The following SSTR4 variants were observed in gnomAD, a reference collection of about 807,000 sequenced individuals.
SSTR4 encodes somatostatin receptor 4.
For missense variants in SSTR4, 649 were observed against 540.6 expected (o/e 1.20, Z -1.99); for synonymous variants, 272 against 246.3 (o/e 1.10, Z -0.98).
chr20:23,039,076 A>T lies in SSTR4; in HGVS notation c.*2426A>T, dbSNP rs1486793864. 1 of 152,186 alleles carries T rather than the reference A, an allele frequency of 6.6e-6. No homozygotes were observed. Among genetic ancestry groups the T allele is most frequent in the African/African-American group, 2.4e-5 (1 of 41,438 alleles). The allele number at this position is 152,186 out of a possible 1,614,324, so 9.4% of individuals were successfully genotyped here. On this transcript the variant is annotated 3_prime_UTR_variant, in exon 1 of 1. Coordinates refer to ENST00000255008, the MANE Select transcript of SSTR4 (RefSeq NM_001052.4). ...TGTAGTTTGTGTACAGAAGACTGCA[A>T]TGAATTGAAGTCATGAGACATACAG... is the stretch of plus-strand genomic sequence containing the variant.
In SSTR4 at chr20:23,036,760, T is replaced by G; in HGVS notation, c.*110T>G. The G allele has an allele frequency of 8.0e-7, 1 of 1,256,610 alleles. No homozygotes were observed. 77.8% of individuals were successfully genotyped at this position (1,256,610 alleles called of 1,614,324 possible). A position where few individuals can be genotyped will look rare whatever the true frequency, so the allele number is the denominator to read the frequency against. On this transcript the variant is annotated 3_prime_UTR_variant, in exon 1 of 1. Coordinates refer to ENST00000255008, the MANE Select transcript of SSTR4 (RefSeq NM_001052.4). ...ATGCTCACCTAAGCTCCACCACCTG[T>G]TCCTTCCAGCAGCCCATGTACCTGC... is the stretch of plus-strand genomic sequence containing the variant.
In SSTR4 at chr20:23,036,093, C is replaced by T. The variant is rs1273373997; in HGVS notation, c.610C>T (p.His204Tyr). Residue 204 changes from histidine (H) to tyrosine (Y), a missense_variant, in exon 1 of 1, where the codon CAC (histidine) becomes TAC (tyrosine). Transcript: ENST00000255008. ...QAVACNLQWP[H>Y]PAWSAVFVVY... The stretch of plus-strand genomic sequence containing the variant: ...CGTGGCCTGCAACCTGCAGTGGCCA[C>T]ACCCGGCCTGGTCGGCAGTCTTCGT... The T allele has an allele frequency of 1.9e-6, 3 of 1,600,214 alleles. No homozygotes were observed. Among genetic ancestry groups the T allele is most frequent in the Non-Finnish European group, 1.7e-6 (2 of 1,179,002 alleles).
chr20:23,036,868 C>G lies in SSTR4; in HGVS notation c.*218C>G. ...AGGATGCTTCCATATGGGTAGGACT[C>G]CTCTGGAAACTGGGCTAGGATATTA... is the stretch of plus-strand genomic sequence containing the variant. On this transcript the variant is annotated 3_prime_UTR_variant, in exon 1 of 1. Transcript: ENST00000255008. 1 of 511,104 alleles carries G rather than the reference C, an allele frequency of 2.0e-6. No individual in the cohort carries two copies. Among genetic ancestry groups the G allele is most frequent in the Middle Eastern group, 5.1e-4 (1 of 1,944 alleles). 31.7% of individuals were successfully genotyped at this position (511,104 alleles called of 1,614,324 possible). A position where few individuals can be genotyped will look rare whatever the true frequency, so the allele number is the denominator to read the frequency against.
chr20:23,037,886 G>A lies in SSTR4; in HGVS notation c.*1236G>A, dbSNP rs1165593924. ...TCTGGATGATCATTCTGGTGGTATG[G>A]GGAAGATGGTGTGGGGAGGGGGAGA... is the stretch of plus-strand genomic sequence containing the variant. On this transcript the variant is annotated 3_prime_UTR_variant, in exon 1 of 1. Coordinates refer to ENST00000255008, the MANE Select transcript of SSTR4 (RefSeq NM_001052.4). Among the ~76,000 whole-genome samples, 6 of 152,154 alleles carry A rather than the reference G, an allele frequency of 3.9e-5. No homozygotes were observed. The East Asian group carries it at 1.2e-3, about 29-fold the overall frequency.
At position 23,035,557 on chromosome 20, in the gene SSTR4, C is replaced by A; in HGVS notation, c.74C>A (p.Ala25Asp). 3.8e-6 allele frequency: 6 copies of A among 1,591,940 alleles called. No homozygotes were observed. The highest frequency in any genetic ancestry group is 4.3e-6 in the Non-Finnish European group (5 of 1,171,804). Reference sequence around the variant, plus strand: ...ACGGCCTGGCCCTCTGCAGCCAATGCCAGTAGCGCTCCGGCGGAGGCGGAG... The same window carrying A: ...ACGGCCTGGCCCTCTGCAGCCAATGACAGTAGCGCTCCGGCGGAGGCGGAG... ...LGTAWPSAAN[A>D]SSAPAEAEEA... The change falls in exon 1 of 1, where the codon GCC (alanine) becomes GAC (aspartate). Residue 25 changes from alanine (A) to aspartate (D), a missense_variant. Physicochemically the swap from Ala to Asp is moderately radical, Grantham distance 126. Transcript: ENST00000255008.
Position 23,036,638 on chromosome 20 carries a change from C to T in SSTR4, c.1155C>T (p.Thr385=), listed in dbSNP as rs375583537. The stretch of plus-strand genomic sequence containing the variant: ...GCAAGCGCATCCCCCTCACCAGGAC[C>T]ACCACCTTCTGAGGAGCCCTTCCCC... The part of the protein sequence containing the change: ...PGRKRIPLTR[T]TTF Residue 385 remains threonine, a synonymous_variant, in exon 1 of 1, where the codon ACC becomes ACT. Coordinates refer to ENST00000255008, the MANE Select transcript of SSTR4 (RefSeq NM_001052.4). 14 of 1,546,510 alleles carry T rather than the reference C, an allele frequency of 9.1e-6. No homozygotes were observed. In the African/African-American group the frequency reaches 1.6e-4, roughly 18 times the overall value.
Position 23,036,607 on chromosome 20 carries a change from C to G in SSTR4, c.1124C>G (p.Pro375Arg). Reference sequence around the variant, plus strand: ...CAGCAGGAAGCCCTGCAACCAGAACCCGGCCGCAAGCGCATCCCCCTCACC... The same window carrying G: ...CAGCAGGAAGCCCTGCAACCAGAACGCGGCCGCAAGCGCATCCCCCTCACC... ...PCQQEALQPEPGRKRIPLTRT... is the reference protein window; with the variant it reads ...PCQQEALQPERGRKRIPLTRT... Residue 375 changes from proline (P) to arginine (R), a missense_variant, in exon 1 of 1, where the codon CCC becomes CGC. Physicochemically the swap from Pro to Arg is moderately radical, Grantham distance 103 (BLOSUM62 -2). Coordinates refer to ENST00000255008, the MANE Select transcript of SSTR4 (RefSeq NM_001052.4). The G allele has an allele frequency of 1.3e-6, 2 of 1,577,368 alleles. No individual in the cohort carries two copies.
At position 23,036,195 on chromosome 20, in the gene SSTR4, A is replaced by G. The variant is rs1040809171; in HGVS notation, c.712A>G (p.Met238Val). ...GLCYLLIVGK[M>V]RAVALRAGWQ... Reference sequence around the variant, plus strand: ...GTGCTACCTGCTCATCGTGGGCAAGATGCGCGCCGTGGCCCTGCGCGCTGG... The same window carrying G: ...GTGCTACCTGCTCATCGTGGGCAAGGTGCGCGCCGTGGCCCTGCGCGCTGG... The change falls in exon 1 of 1, where the codon ATG (methionine) becomes GTG (valine). Residue 238 changes from methionine to valine, a missense_variant. Transcript: ENST00000255008. 1 of 1,612,450 alleles carries G rather than the reference A, an allele frequency of 6.2e-7. No homozygotes were observed. The highest frequency in any genetic ancestry group is 8.5e-7 in the Non-Finnish European group (1 of 1,179,794).
Position 23,035,645 on chromosome 20 carries a change from C to T in SSTR4, c.162C>T (p.Tyr54=). The change falls in exon 1 of 1, where the codon TAC becomes TAT. Residue 54 remains tyrosine (Y), a synonymous_variant. Transcript: ENST00000255008. Reference sequence around the variant, plus strand: ...GCATGGTCGCTATCCAGTGCATCTACGCGCTGGTGTGCCTGGTGGGGCTGG... The same window carrying T: ...GCATGGTCGCTATCCAGTGCATCTATGCGCTGGTGTGCCTGGTGGGGCTGG... ...AAGMVAIQCI[Y]ALVCLVGLVG... 1 of 1,540,012 alleles carries T rather than the reference C, an allele frequency of 6.5e-7. No individual in the cohort carries two copies. Among genetic ancestry groups the T allele is most frequent in the Non-Finnish European group, 8.7e-7 (1 of 1,145,468 alleles).
chr20:23,035,315 C>A lies in SSTR4; in HGVS notation c.-169C>A. The A allele has an allele frequency of 2.3e-6, 1 of 436,898 alleles. No individual in the cohort carries two copies. Among genetic ancestry groups the A allele is most frequent in the Non-Finnish European group, 3.5e-6 (1 of 284,262 alleles). 27.1% of individuals were successfully genotyped at this position (436,898 alleles called of 1,614,324 possible). On this transcript the variant is annotated 5_prime_UTR_variant, in exon 1 of 1. Transcript: ENST00000255008. ...CCAGTCGGGCGCCCGCGCGGTGGGGCGCGCGGCGCGGGGATTGGCGGGCGC... is the reference window on the plus strand; with the variant it reads ...CCAGTCGGGCGCCCGCGCGGTGGGGAGCGCGGCGCGGGGATTGGCGGGCGC...
In SSTR4 at chr20:23,037,104, G is replaced by A. The variant is rs1984351780; in HGVS notation, c.*454G>A. On this transcript the variant is annotated 3_prime_UTR_variant, in exon 1 of 1. Transcript: ENST00000255008. ...GAGAGGAGGAAGGAAGATGCCCCCA[G>A]GCACCTGCCCTTTATGTCTCTTCCT... Among the ~76,000 whole-genome samples, 3 of 152,176 alleles carry A rather than the reference G, an allele frequency of 2.0e-5. No individual in the cohort carries two copies.
rs199944012 is a variant in SSTR4, at chr20:23,036,356, C to G, written c.873C>G (p.Thr291=). Reference sequence around the variant, plus strand: ...TCTTCGTGACCAGCCTTGATGCCACCGTCAACCACGTGTCCCTTATCCTTA... The same window carrying G: ...TCTTCGTGACCAGCCTTGATGCCACGGTCAACCACGTGTCCCTTATCCTTA... ...LNLFVTSLDA[T]VNHVSLILSY... Residue 291 remains threonine, a synonymous_variant, in exon 1 of 1, where the codon ACC becomes ACG. Coordinates refer to ENST00000255008, the MANE Select transcript of SSTR4 (RefSeq NM_001052.4). 6.2e-7 allele frequency: 1 copy of G among 1,614,116 alleles called. No homozygotes were observed. The highest frequency in any genetic ancestry group is 2.2e-5 in the East Asian group (1 of 44,856).
chr20:23,035,883 G>A lies in SSTR4; in HGVS notation c.400G>A (p.Val134Ile), dbSNP rs750847560. ...CGACGGCCTCAACATGTTCACCAGC[G>A]TCTTCTGTCTCACCGTGCTCAGCGT... ...SVDGLNMFTS[V>I]FCLTVLSVDR... The change falls in exon 1 of 1, where the codon GTC becomes ATC. Residue 134 changes from valine to isoleucine, a missense_variant. Coordinates refer to ENST00000255008, the MANE Select transcript of SSTR4 (RefSeq NM_001052.4). 4.3e-6 allele frequency: 7 copies of A among 1,612,604 alleles called. No homozygotes were observed. The highest frequency in any genetic ancestry group is 1.1e-5 in the South Asian group (1 of 90,970).
rs1485940045 is a variant in SSTR4 at position 23,036,049 on chromosome 20, C to A, written c.566C>A (p.Pro189Gln). 2 of 1,573,888 alleles carry A rather than the reference C, an allele frequency of 1.3e-6. No homozygotes were observed. Among genetic ancestry groups the A allele is most frequent in the Non-Finnish European group, 1.7e-6 (2 of 1,166,910 alleles). ...LPIAIFADTR[P>Q]ARGGQAVACN... is the part of the protein sequence containing the mutation. The stretch of plus-strand genomic sequence containing the variant: ...ATCGCCATCTTCGCAGACACCAGAC[C>A]GGCTCGCGGCGGCCAGGCCGTGGCC... The change falls in exon 1 of 1, where the codon CCG (proline) becomes CAG (glutamine). Residue 189 changes from proline (P) to glutamine (Q), a missense_variant. By Grantham distance (76) the Pro-to-Gln change is moderately conservative (BLOSUM62 -1). Transcript: ENST00000255008.
In SSTR4 at chr20:23,036,638, C is replaced by G. The variant is rs375583537; in HGVS notation, c.1155C>G (p.Thr385=). Residue 385 remains threonine (T), a synonymous_variant, in exon 1 of 1, where the codon ACC becomes ACG. Transcript: ENST00000255008. ...PGRKRIPLTR[T]TTF is the part of the protein sequence containing the mutation. ...GCAAGCGCATCCCCCTCACCAGGAC[C>G]ACCACCTTCTGAGGAGCCCTTCCCC... is the stretch of plus-strand genomic sequence containing the variant. 6 of 1,546,626 alleles carry G rather than the reference C, an allele frequency of 3.9e-6. No individual in the cohort carries two copies. The highest frequency in any genetic ancestry group is 5.2e-6 in the Non-Finnish European group (6 of 1,148,022).
rs1355598355 is a variant in SSTR4 at position 23,036,942 on chromosome 20, TG to T, written c.*294del. The T allele has an allele frequency of 9.8e-6, 4 of 407,614 alleles. No individual in the cohort carries two copies. The highest frequency in any genetic ancestry group is 6.1e-5 in the African/African-American group (3 of 49,168). 25.2% of individuals were successfully genotyped at this position (407,614 alleles called of 1,614,324 possible). A position where few individuals can be genotyped will look rare whatever the true frequency, so the allele number is the denominator to read the frequency against. On this transcript the variant is annotated 3_prime_UTR_variant, in exon 1 of 1. Transcript: ENST00000255008. ...TCTTCAAGGGCTGGGAAGCAGGAGG[TG>T]GTGAGAAATGAATGGTCCCTGTGTG...
Position 23,036,431 on chromosome 20 carries a change from CA to C in SSTR4, c.950del (p.Asn317ThrfsTer154). ...CCATTCTCTATGGCTTCCTCTCCGA[CA>C]ACTTCCGCCGATTCTTCCAGCGGGT... ...NPILYGFLSDNFRRFFQRVLC... is the reference protein window; with the variant it reads ...NPILYGFLSDXFRRFFQRVLC... On this transcript the variant is annotated frameshift_variant, in exon 1 of 1. Coordinates refer to ENST00000255008, the MANE Select transcript of SSTR4 (RefSeq NM_001052.4). LOFTEE classifies it low-confidence loss of function (END_TRUNC). 1 of 1,613,992 alleles carries C rather than the reference CA, an allele frequency of 6.2e-7. No homozygotes were observed. The highest frequency in any genetic ancestry group is 8.5e-7 in the Non-Finnish European group (1 of 1,179,932).
Position 23,036,077 on chromosome 20 carries a change from C to A in SSTR4, c.594C>A (p.Cys198Ter), listed in dbSNP as rs1383423724. 1.9e-6 allele frequency: 3 copies of A among 1,594,068 alleles called. No individual in the cohort carries two copies. Among genetic ancestry groups the A allele is most frequent in the Non-Finnish European group, 2.6e-6 (3 of 1,176,384 alleles). The change falls in exon 1 of 1, where the codon TGC becomes TGA. Residue 198 changes from cysteine (C) to a stop codon, truncating the protein, a stop_gained. Transcript: ENST00000255008. LOFTEE classifies it low-confidence loss of function (END_TRUNC). ...CTCGCGGCGGCCAGGCCGTGGCCTG[C>A]AACCTGCAGTGGCCACACCCGGCCT... ...RPARGGQAVA[C>*]NLQWPHPAWS...
In SSTR4 at chr20:23,036,887, G is replaced by C. The variant is rs1600405234; in HGVS notation, c.*237G>C. 1 of 481,758 alleles carries C rather than the reference G, an allele frequency of 2.1e-6. No individual in the cohort carries two copies. The highest frequency in any genetic ancestry group is 3.6e-6 in the Non-Finnish European group (1 of 275,532). The allele number at this position is 481,758 out of a possible 1,614,324, so 29.8% of individuals were successfully genotyped here. A position where few individuals can be genotyped will look rare whatever the true frequency, so the allele number is the denominator to read the frequency against. On this transcript the variant is annotated 3_prime_UTR_variant, in exon 1 of 1. Coordinates refer to ENST00000255008, the MANE Select transcript of SSTR4 (RefSeq NM_001052.4). ...AGGACTCCTCTGGAAACTGGGCTAG[G>C]ATATTAATCATTCCTGAACCTCTGG...
Sources: allele counts gnomAD v4.1 joint callset (sites outside exome capture counted in the v4.1 genomes callset), GRCh38; gene constraint gnomAD v4.1.1; transcripts MANE v1.5; gene names NCBI Gene and HGNC (gene_info 2026-07-23, HGNC 2026-07-21).